Variants in STPG2 observed in about 807,000 individuals in gnomAD.
STPG2 encodes sperm-tail PG-rich repeat-containing protein 2.
A neutral mutation model predicts 54.2 loss-of-function variants in STPG2; 56 were observed. That is an observed-to-expected ratio of 1.03 (90% CI 0.83 to 1.29). The LOEUF is 1.29. Ranked by LOEUF, STPG2 falls within the 50% of genes most tolerant of loss-of-function variation. The probability of loss-of-function intolerance (pLI) is 0.00; values close to 1 mark genes in which losing one functional copy is unlikely to be tolerated. For synonymous variants in STPG2, 200 were observed against 181.8 expected, an observed-to-expected ratio of 1.10 and a Z score of -0.81; for missense variants, 596 against 544.9, an observed-to-expected ratio of 1.09 and a Z score of -0.93.
chr4:97,918,750 G>C (rs1445134993), intron 8 of STPG2, among the ~76,000 whole-genome samples: 1 of 152,040 alleles, frequency 6.6e-6, no homozygotes, highest in Non-Finnish European at 1.5e-5. Flanking sequence ...TCACTTATAA[G>C]TAGGAGTTAA....
chr4:97,471,172 A>G (rs1047130823), intron 4 of STPG2, among the ~76,000 whole-genome samples: 1 of 152,188 alleles, frequency 6.6e-6, no homozygotes, highest in Non-Finnish European at 1.5e-5. Flanking sequence ...TTTGGAATTT[A>G]CCACTTAGTA....
intron 7 of STPG2, among the ~76,000 whole-genome samples, chr4:97,950,094 T>A (rs929778117): frequency 6.6e-6 from 1 of 152,058 alleles, no homozygotes; most frequent in African/African-American, 2.4e-5. Flanking sequence ...TTGTTTCTTT[T>A]TAAAATATTT....
In STPG2 at chr4:97,829,157, C is replaced by T. The variant is rs543157954; in HGVS notation, c.1204+11616G>A. Among the ~76,000 whole-genome samples, 158 of 152,078 alleles carry T rather than the reference C, an allele frequency of 1.0e-3. 1 individual carries two copies. Among genetic ancestry groups the T allele is most frequent in the Middle Eastern group, 3.4e-3 (1 of 292 alleles). ...GCATCCGGTGGGTGCCCCTCTGGGA[C>T]GAAGCTTCCAGAGGAAGGAACAGGC... On this transcript the variant is annotated intron_variant, in intron 9 of 10. Coordinates refer to ENST00000295268, the MANE Select transcript of STPG2 (RefSeq NM_174952.3).
intron 10 of STPG2, among the ~76,000 whole-genome samples, chr4:97,632,920 A>G (rs996510553): frequency 2.0e-5 from 3 of 152,178 alleles, no homozygotes; most frequent in African/African-American, 7.2e-5. Context: ...TGCTTATTAT[A>G]TGCCATGCAC....
intron 5 of STPG2, among the ~76,000 whole-genome samples, chr4:98,077,953 G>A (rs1218032450): frequency 1.3e-5 from 2 of 152,074 alleles, no homozygotes; most frequent in African/African-American, 4.8e-5. Flanking sequence ...TGGATAAATT[G>A]AATGTCAATA....
In STPG2 at chr4:97,719,035, T is replaced by C. The variant is rs552037390; in HGVS notation, c.1205-6221A>G. ...ATTTTGGATTTTCAGATTAGGGATG[T>C]TGAACTGTTGAGTATAAGTAATGCA... On this transcript the variant is annotated intron_variant, in intron 9 of 10. Transcript: ENST00000295268. Among the ~76,000 whole-genome samples, 7 of 152,092 alleles carry C rather than the reference T, an allele frequency of 4.6e-5. No individual in the cohort carries two copies. The South Asian group carries it at 1.5e-3, about 32-fold the overall frequency.
At chr4:97,712,631 C>T in intron 10 of STPG2, 68 bp downstream of exon 10, 4 of 1,081,992 alleles carry the variant, frequency 3.7e-6, no homozygotes, top group South Asian at 2.3e-5. Flanking sequence ...TTAATATATA[C>T]ATTTGTAGTA....
chr4:97,447,228 A>T (rs773821862), intron 4 of STPG2, among the ~76,000 whole-genome samples: 7 of 152,176 alleles, frequency 4.6e-5, no homozygotes, highest in Non-Finnish European at 1.0e-4. Flanking sequence ...GAGAGAGATG[A>T]TCTGAAATTG....
chr4:98,062,744 A>G (rs1350758818), intron 5 of STPG2, among the ~76,000 whole-genome samples: 1 of 152,144 alleles, frequency 6.6e-6, no homozygotes, highest in Admixed American at 6.5e-5. Flanking sequence ...TGGTAACTAT[A>G]TAATTAAAAG....
At chr4:98,101,327 G>A (rs756815325) in intron 5 of STPG2, among the ~76,000 whole-genome samples, 6 of 152,184 alleles carry the variant, frequency 3.9e-5, no homozygotes, top group Non-Finnish European at 8.8e-5. Flanking sequence ...TTTTTCCCAT[G>A]CATTTTCTCT....
chr4:98,062,128 A>G (rs935218221), intron 5 of STPG2, among the ~76,000 whole-genome samples: 2 of 152,218 alleles, frequency 1.3e-5, no homozygotes, highest in Non-Finnish European at 2.9e-5. Context: ...AAAAAAGAAC[A>G]AGATCATGTC....
chr4:97,913,201 A>G (rs964915108), intron 8 of STPG2, among the ~76,000 whole-genome samples: 5 of 152,210 alleles, frequency 3.3e-5, no homozygotes, highest in African/African-American at 1.2e-4. Context: ...TGGGAAGTTA[A>G]CAAATGATTC....
chr4:97,836,338 G>C (rs1487232505), intron 9 of STPG2, among the ~76,000 whole-genome samples: 1 of 151,916 alleles, frequency 6.6e-6, no homozygotes, highest in Non-Finnish European at 1.5e-5. Context: ...AGAAAAAGAA[G>C]ACTCACTGAA....
chr4:98,008,666 GA>G (rs914873452), intron 5 of STPG2, among the ~76,000 whole-genome samples: 8 of 141,882 alleles, frequency 5.6e-5, no homozygotes, highest in African/African-American at 1.0e-4. Flanking sequence ...AGATAAACAA[GA>G]AAAAAAAAAG....
chr4:97,993,405 C>A (rs917619944), intron 5 of STPG2, among the ~76,000 whole-genome samples: 1 of 152,136 alleles, frequency 6.6e-6, no homozygotes, highest in Admixed American at 6.6e-5. Context: ...GTCAAACCAT[C>A]CCTGCATCCC....
chr4:97,610,046 A>AGGAAAGAACC (rs1733694746), intron 10 of STPG2, among the ~76,000 whole-genome samples: 1 of 152,010 alleles, frequency 6.6e-6, no homozygotes, highest in Admixed American at 6.6e-5. Flanking sequence ...AAAAAAGATA[A>AGGAAAGAACC]TTTTCCTGAG....
At chr4:97,935,870 G>A (rs1361331126) in intron 8 of STPG2, among the ~76,000 whole-genome samples, 1 of 152,134 alleles carries the variant, frequency 6.6e-6, no homozygotes, top group Non-Finnish European at 1.5e-5. Flanking sequence ...TTGGGGTGGA[G>A]AGTTCTGTAG....
At chr4:97,796,991 C>T (rs1239806994) in intron 9 of STPG2, among the ~76,000 whole-genome samples, 4 of 152,068 alleles carry the variant, frequency 2.6e-5, no homozygotes, top group African/African-American at 9.7e-5. Flanking sequence ...ATTTGGCTCT[C>T]TGTTATTGGT....
At chr4:97,641,871 A>G (rs1721775905) in intron 10 of STPG2, among the ~76,000 whole-genome samples, 1 of 151,588 alleles carries the variant, frequency 6.6e-6, no homozygotes, top group Non-Finnish European at 1.5e-5. Context: ...TTTATTTGAT[A>G]GTTCACTGTC....
Sources: gnomAD v4.1 joint callset for allele counts (sites outside exome capture counted in the v4.1 genomes callset) on GRCh38, gnomAD v4.1.1 for gene constraint, MANE v1.5 for transcripts, NCBI Gene and HGNC (gene_info 2026-07-23, HGNC 2026-07-21) for gene names.